The following STK39 variants were observed in gnomAD, a reference collection of about 807,000 sequenced individuals.
STK39 encodes serine/threonine kinase 39.
In STK39, 20 loss-of-function variants were observed where a neutral mutation model predicts 77.8. The observed-to-expected ratio is 0.26, with a 90% CI of 0.18 to 0.37. The LOEUF is 0.37. STK39 is among the 10% of genes least tolerant of loss of function. The probability of loss-of-function intolerance (pLI) is 1.00; values close to 1 mark genes in which losing one functional copy is unlikely to be tolerated. For missense variants in STK39, 479 were observed against 656.5 expected (o/e 0.73, Z 2.95); for synonymous variants, 246 against 234.1 (o/e 1.05, Z -0.47).
intron 14 of STK39, among the ~76,000 whole-genome samples, chr2:168,017,752 T>C (rs1185364020): frequency 1.3e-5 from 2 of 152,118 alleles, no homozygotes; most frequent in African/African-American, 2.4e-5. Flanking sequence ...AAATACTATT[T>C]TATTAAATCA....
At chr2:168,198,693 C>T (rs138569005) in intron 1 of STK39, among the ~76,000 whole-genome samples, 12 of 152,334 alleles carry the variant, frequency 7.9e-5, no homozygotes, top group Admixed American at 5.9e-4. Context: ...GGACTTAGCA[C>T]ATCGCACTCA....
At chr2:168,062,427 T>G (rs750174576) in intron 14 of STK39, among the ~76,000 whole-genome samples, 2 of 152,250 alleles carry the variant, frequency 1.3e-5, no homozygotes, top group Non-Finnish European at 2.9e-5. Context: ...TACTGTCAAA[T>G]ATAAGGAAAA....
rs766882116 is a variant in STK39, at chr2:168,063,528, A to T, written c.1348T>A (p.Cys450Ser). The change falls in exon 14 of 18, where the codon TGT (cysteine) becomes AGT (serine). Residue 450 changes from cysteine (C) to serine (S), a missense_variant. Around this residue, in one of 3 missense-constraint regions of STK39, gnomAD observed 244 missense variants for 296.8 expected, o/e 0.82. Transcript: ENST00000355999. ...AATCTCAAAACGAGGTTCACGGCAC[A>T]AGAAGAAGCTTCTCTGTAGTCTTCA... ...ANEDYREASSCAVNLVLRLRN... is the reference protein window; with the variant it reads ...ANEDYREASSSAVNLVLRLRN... 1.9e-6 allele frequency: 3 copies of T among 1,613,268 alleles called. No individual in the cohort carries two copies. In the South Asian group the frequency reaches 3.3e-5, roughly 18 times the overall value.
intron 1 of STK39, among the ~76,000 whole-genome samples, chr2:168,212,792 G>A (rs942288844): frequency 1.3e-5 from 2 of 152,134 alleles, no homozygotes; most frequent in African/African-American, 4.8e-5. Context: ...CAGCCTAAGG[G>A]TCCTCCGATC....
chr2:168,236,376 A>G (rs1474879572), intron 1 of STK39, among the ~76,000 whole-genome samples: 3 of 151,732 alleles, frequency 2.0e-5, no homozygotes, highest in African/African-American at 7.3e-5. Context: ...AGTAGATTGC[A>G]AAAATTTTCT....
intron 1 of STK39, among the ~76,000 whole-genome samples, chr2:168,226,966 CAT>C (rs1204432174): frequency 1.3e-5 from 2 of 152,174 alleles, no homozygotes; most frequent in Non-Finnish European, 2.9e-5. Flanking sequence ...CCAGAATACA[CAT>C]TTTTAAAGGA....
chr2:168,236,225 ATG>A (rs1486932664), intron 1 of STK39, among the ~76,000 whole-genome samples: 1 of 152,076 alleles, frequency 6.6e-6, no homozygotes, highest in African/African-American at 2.4e-5. Context: ...GCATTTTTTC[ATG>A]TGTCTTTTGG....
At chr2:168,165,566 CTTCCTTTTTCTT>C (rs1397232041) in intron 3 of STK39, among the ~76,000 whole-genome samples, 4 of 152,082 alleles carry the variant, frequency 2.6e-5, no homozygotes, top group African/African-American at 7.2e-5. Flanking sequence ...CTCTGGCAGG[CTTCCTTTTTCTT>C]TTCCTTTTTC....
In STK39 at chr2:168,246,049, ATC is replaced by A. The variant is rs200676949; in HGVS notation, c.208+1177_208+1178del. On this transcript the variant is annotated intron_variant, in intron 1 of 17. Transcript: ENST00000355999. The stretch of plus-strand genomic sequence containing the variant: ...TTTAAACACCTAGTGAAATTTTTAT[ATC>A]TGTTTTAATTTTTTTAAAAGGAGGT... Among the ~76,000 whole-genome samples, 21 of 152,232 alleles carry A rather than the reference ATC, an allele frequency of 1.4e-4. No individual in the cohort carries two copies. The East Asian group carries it at 3.3e-3, about 24-fold the overall frequency.
At chr2:168,027,607 TACATGCACACGTGTGTGCATGA>T (rs1311504925) in intron 14 of STK39, among the ~76,000 whole-genome samples, 3 of 152,314 alleles carry the variant, frequency 2.0e-5, no homozygotes, top group East Asian at 3.9e-4. Context: ...TACACACACG[TACATGCACACGTGTGTGCATGA>T]GCACACACAT....
chr2:168,155,127 C>A (rs947097025), intron 5 of STK39, among the ~76,000 whole-genome samples: 3 of 152,172 alleles, frequency 2.0e-5, no homozygotes, highest in Non-Finnish European at 2.9e-5. Context: ...CCCTGTCCCC[C>A]CTGCAGCTAA....
Position 168,247,466 on chromosome 2 carries a change from CG to C in STK39, c.-32del, listed in dbSNP as rs1385865617. ...TGCGGAGGAGAGCAGGAGGACGCGCCGGCCGACGGACGACCTTCCACTTGAA... is the reference window on the plus strand; with the variant it reads ...TGCGGAGGAGAGCAGGAGGACGCGCCGCCGACGGACGACCTTCCACTTGAA... On this transcript the variant is annotated 5_prime_UTR_variant, in exon 1 of 18. Transcript: ENST00000355999. The C allele has an allele frequency of 7.7e-7, 1 of 1,303,440 alleles. No homozygotes were observed. The highest frequency in any genetic ancestry group is 1.5e-5 in the African/African-American group (1 of 64,868). The allele number at this position is 1,303,440 out of a possible 1,614,324, so 80.7% of individuals were successfully genotyped here.
At chr2:168,136,195 C>T (rs1467333355) in intron 8 of STK39, among the ~76,000 whole-genome samples, 5 of 151,482 alleles carry the variant, frequency 3.3e-5, no homozygotes, top group East Asian at 1.9e-4. Context: ...AGTGAAACCC[C>T]GTCTCTACTA....
chr2:167,997,686 T>C (rs1683882725), intron 16 of STK39, among the ~76,000 whole-genome samples: 1 of 152,172 alleles, frequency 6.6e-6, no homozygotes, highest in African/African-American at 2.4e-5. Context: ...AGAAATAAGA[T>C]GGGGATATTT....
intron 5 of STK39, among the ~76,000 whole-genome samples, chr2:168,145,316 A>C (rs1257299518): frequency 6.6e-6 from 1 of 152,186 alleles, no homozygotes; most frequent in African/African-American, 2.4e-5. Context: ...CAACAGCTAC[A>C]GTCTCAGTGA....
intron 1 of STK39, among the ~76,000 whole-genome samples, chr2:168,186,628 C>T (rs1216980669): frequency 1.3e-5 from 2 of 152,206 alleles, no homozygotes; most frequent in Non-Finnish European, 2.9e-5. Flanking sequence ...ATCTAGACTT[C>T]AGCTTCCTTA....
chr2:168,074,899 G>C lies in STK39; in HGVS notation c.1242+83C>G, dbSNP rs138042518. ...TCTTTCTACTCCATGAGATTTTGAA[G>C]CATCTCCCCTAAATGGATCAGACTC... On this transcript the variant is annotated intron_variant, in intron 12 of 17. Coordinates refer to ENST00000355999, the MANE Select transcript of STK39 (RefSeq NM_013233.3). 9,004 of 1,478,788 alleles carry C rather than the reference G, an allele frequency of 6.1e-3. 66 individuals carry two copies. Among genetic ancestry groups the C allele is most frequent in the South Asian group, 0.014 (1,146 of 80,720 alleles). The allele number at this position is 1,478,788 out of a possible 1,614,324, so 91.6% of individuals were successfully genotyped here. A position where few individuals can be genotyped will look rare whatever the true frequency, so the allele number is the denominator to read the frequency against.
chr2:168,232,736 T>C (rs6743239), intron 1 of STK39, among the ~76,000 whole-genome samples: 116,444 of 151,930 alleles, frequency 0.77, 44,871 homozygotes, highest in Non-Finnish European at 0.82. Context: ...CATGGTGAAA[T>C]CCCGTCTCTA....
In STK39 at chr2:168,140,386, C is replaced by A. The variant is rs749264154; in HGVS notation, c.743G>T (p.Arg248Ile). 1.2e-6 allele frequency: 2 copies of A among 1,613,594 alleles called. No homozygotes were observed. The highest frequency in any genetic ancestry group is 2.2e-5 in the South Asian group (2 of 91,064). The change falls in exon 7 of 18, where the codon AGA becomes ATA. Residue 248 changes from arginine (R) to isoleucine (I), a missense_variant. Transcript: ENST00000355999. ...CATGTCAGCCTTGAAGTCATAGCCT[C>A]TCACCTAAGAAAGAAAGCAGGAAAA... is the stretch of plus-strand genomic sequence containing the variant. ...WMAPEVMEQV[R>I]GYDFKADMWS...
Sources: gnomAD v4.1 joint callset for allele counts (sites outside exome capture counted in the v4.1 genomes callset) on GRCh38, gnomAD v4.1.1 for gene constraint, gnomAD v4.1.1 regional missense constraint, MANE v1.5 for transcripts, NCBI Gene and HGNC (gene_info 2026-07-23, HGNC 2026-07-21) for gene names.